The following ABLIM1 variants were observed in gnomAD, a reference collection of about 807,000 sequenced individuals.
The protein encoded by ABLIM1 is actin binding LIM protein 1.
In ABLIM1, 40 loss-of-function variants were observed where a neutral mutation model predicts 107.0. That is an observed-to-expected ratio of 0.37 (90% CI 0.29 to 0.49). The LOEUF (loss-of-function observed/expected upper bound fraction) is 0.49, where lower values mean the gene tolerates loss of function less well. Among genes scored for constraint, ABLIM1 ranks in the 20% least tolerant of loss-of-function variants. The pLI is 0.97. For synonymous variants in ABLIM1, 357 were observed against 357.3 expected (o/e 1.00, Z 0.01); for missense variants, 857 against 1,008.5 (o/e 0.85, Z 2.04).
At chr10:114,486,361 A>C (rs1318506121) in intron 8 of ABLIM1, among the ~76,000 whole-genome samples, 1 of 152,198 alleles carries the variant, frequency 6.6e-6, no homozygotes, top group Non-Finnish European at 1.5e-5. Context: ...AAAACCTAAA[A>C]GCAACACTGG....
chr10:114,733,563 C>A (rs1346407151), intron 1 of ABLIM1, among the ~76,000 whole-genome samples: 1 of 152,206 alleles, frequency 6.6e-6, no homozygotes, highest in Non-Finnish European at 1.5e-5. Flanking sequence ...CTGGACCCTA[C>A]TGAGATAAAT....
upstream of ABLIM1, among the ~76,000 whole-genome samples, chr10:114,689,371 T>G (rs1183200520): frequency 1.3e-5 from 2 of 150,520 alleles, no homozygotes; most frequent in African/African-American, 4.9e-5. Context: ...TTGGTTTTTT[T>G]TTTTTTTTTT....
At position 114,646,128 on chromosome 10, in the gene ABLIM1, G is replaced by A. The variant is rs117712873; in HGVS notation, c.244+11829C>T. 8.6e-3 allele frequency among the ~76,000 whole-genome samples: 1,310 copies of A among 152,308 alleles called. 8 individuals are homozygous for A. The highest frequency in any genetic ancestry group is 0.015 in the Non-Finnish European group (1,005 of 68,028). ...TATGTATTGTATTTGTTGGGATTTGGAGGAGATTAGAGGGTGGACAGGAAG... is the reference window on the plus strand; with the variant it reads ...TATGTATTGTATTTGTTGGGATTTGAAGGAGATTAGAGGGTGGACAGGAAG... On this transcript the variant is annotated intron_variant, in intron 1 of 22. Transcript: ENST00000533213.
intron 1 of ABLIM1, among the ~76,000 whole-genome samples, chr10:114,614,712 C>T (rs1566102405): frequency 6.6e-6 from 1 of 152,032 alleles, no homozygotes; most frequent in Non-Finnish European, 1.5e-5. Flanking sequence ...GTAATTGATC[C>T]CTCACTAAAG....
intron 8 of ABLIM1, among the ~76,000 whole-genome samples, chr10:114,483,905 C>G (rs1428273822): frequency 6.6e-6 from 1 of 152,126 alleles, no homozygotes; most frequent in African/African-American, 2.4e-5. Flanking sequence ...TCAGAGACCC[C>G]TAAAGACGGT....
At chr10:114,596,288 A>G (rs2075406803) in intron 2 of ABLIM1, among the ~76,000 whole-genome samples, 1 of 152,266 alleles carries the variant, frequency 6.6e-6, no homozygotes, top group South Asian at 2.1e-4. Flanking sequence ...TTGGTCTCAT[A>G]AATGTTGCTT....
At chr10:114,468,423 G>C (rs1378709271) in intron 10 of ABLIM1, among the ~76,000 whole-genome samples, 10 of 72,686 alleles carry the variant, frequency 1.4e-4, no homozygotes, top group African/African-American at 4.9e-4. Flanking sequence ...TACAGGCGCC[G>C]CCACCACCCC....
chr10:114,666,708 C>G (rs570292021), intron 1 of ABLIM1, among the ~76,000 whole-genome samples: 1 of 152,230 alleles, frequency 6.6e-6, no homozygotes, highest in East Asian at 1.9e-4. Context: ...TCCTGATATC[C>G]TTGATAGTTC....
chr10:114,631,977 T>C, intron 1 of ABLIM1: 1 of 1,301,216 alleles, frequency 7.7e-7, no homozygotes. Context: ...ACTCTGGGAG[T>C]GGAAGCGCGC....
chr10:114,670,345 C>T (rs61869069), intron 1 of ABLIM1, among the ~76,000 whole-genome samples: 2,672 of 152,268 alleles, frequency 0.018, 29 homozygotes, highest in Middle Eastern at 0.051. Context: ...TCAAAATCAA[C>T]TCAGTGATTG....
chr10:114,692,903 A>C (rs936591904), intron 1 of ABLIM1, among the ~76,000 whole-genome samples: 8 of 152,192 alleles, frequency 5.3e-5, no homozygotes, highest in African/African-American at 1.9e-4. Context: ...CACACACAAA[A>C]AAAATGCATT....
chr10:114,460,467 G>A (rs1239377810), intron 12 of ABLIM1, among the ~76,000 whole-genome samples: 2 of 152,182 alleles, frequency 1.3e-5, no homozygotes, highest in Admixed American at 6.5e-5. Context: ...TAGGCGTGGT[G>A]GCGCACGCCT....
intron 2 of ABLIM1, among the ~76,000 whole-genome samples, chr10:114,599,160 G>T (rs1327614749): frequency 6.6e-6 from 1 of 152,166 alleles, no homozygotes; most frequent in Non-Finnish European, 1.5e-5. Context: ...AAGGATAGAT[G>T]ACTCATTTAT....
rs542109944 is a variant in ABLIM1 at position 114,730,697 on chromosome 10, A to G, written c.-213+37364T>C. ...ACGTACATATCAACTCACCCTTTTA[A>G]AGTGTACAATTTAGTGGTTTTTGGT... On this transcript the variant is annotated intron_variant, in intron 1 of 15. Transcript: ENST00000651092. 2.0e-5 allele frequency among the ~76,000 whole-genome samples: 3 copies of G among 152,194 alleles called. No homozygotes were observed. In the South Asian group the frequency reaches 6.2e-4, roughly 32 times the overall value.
chr10:114,616,586 CA>C (rs1441301866), intron 1 of ABLIM1, among the ~76,000 whole-genome samples: 1 of 152,166 alleles, frequency 6.6e-6, no homozygotes, highest in Non-Finnish European at 1.5e-5. Flanking sequence ...ACAAAGGTGA[CA>C]AAGCGTTGTT....
rs2061936121 is a variant in ABLIM1 at position 114,451,685 on chromosome 10, A to G, written c.1547-14T>C. 1 of 1,606,842 alleles carries G rather than the reference A, an allele frequency of 6.2e-7. No homozygotes were observed. The highest frequency in any genetic ancestry group is 1.3e-5 in the African/African-American group (1 of 74,576). On this transcript the variant is annotated splice_polypyrimidine_tract_variant and intron_variant, in intron 13 of 22. Transcript: ENST00000533213. ...TGATTCCTTGATCTGTGGAAATGAAAAGCAAAGGTGTGTGATTATGGGAAC... is the reference window on the plus strand; with the variant it reads ...TGATTCCTTGATCTGTGGAAATGAAGAGCAAAGGTGTGTGATTATGGGAAC...
At chr10:114,464,152 A>G (rs2064594114) in intron 12 of ABLIM1, among the ~76,000 whole-genome samples, 1 of 151,212 alleles carries the variant, frequency 6.6e-6, no homozygotes, top group Non-Finnish European at 1.5e-5. Context: ...TGACCTCAGC[A>G]TATGTACATG....
chr10:114,572,796 A>G (rs985888933), intron 3 of ABLIM1, among the ~76,000 whole-genome samples: 2 of 152,250 alleles, frequency 1.3e-5, no homozygotes, highest in Non-Finnish European at 2.9e-5. Context: ...TTAAGGATCC[A>G]TTCAACACAA....
chr10:114,671,610 C>T (rs2080257148), intron 1 of ABLIM1, among the ~76,000 whole-genome samples: 1 of 152,246 alleles, frequency 6.6e-6, no homozygotes, highest in South Asian at 2.1e-4. Flanking sequence ...AGTTGTTTCA[C>T]ATCCTTGACG....
Sources: gnomAD v4.1 joint callset for allele counts (sites outside exome capture counted in the v4.1 genomes callset) on GRCh38, gnomAD v4.1.1 for gene constraint, MANE v1.5 for transcripts, NCBI Gene and HGNC (gene_info 2026-07-23, HGNC 2026-07-21) for gene names.